COL15A1: variants seen among roughly 807,000 people sequenced by gnomAD.
COL15A1 encodes the protein collagen alpha-1(XV) chain.
COL15A1 carries 111 observed loss-of-function variants against 165.9 expected under a neutral mutation model. The ratio of observed to expected loss-of-function variants is 0.67; its 90% CI spans 0.57 to 0.78. The LOEUF (loss-of-function observed/expected upper bound fraction) is 0.78, where lower values mean the gene tolerates loss of function less well. Ranked by LOEUF, COL15A1 falls within the 30% of genes least tolerant of loss-of-function variation. The pLI is 0.00. For synonymous variants in COL15A1, 659 were observed against 674.8 expected (o/e 0.98, Z 0.36); for missense variants, 1,745 against 1,789.7 (o/e 0.98, Z 0.45).
intron 24 of COL15A1, 66 bp downstream of exon 24, chr9:99,042,173 TG>T: frequency 9.1e-7 from 1 of 1,097,860 alleles, no homozygotes; most frequent in South Asian, 1.4e-5. Context: ...TCAGATTGGC[TG>T]AAAATAGCTA....
rs182742305 is a variant in COL15A1 at position 99,018,065 on chromosome 9, A to G, written c.1647+1946A>G. ...TTAACTGGTAAATAATTCAATGTGT[A>G]TGGCTGATAGAGTGATCTGGTACCT... On this transcript the variant is annotated intron_variant, in intron 11 of 41. Transcript: ENST00000375001. 2.2e-3 allele frequency among the ~76,000 whole-genome samples: 328 copies of G among 152,314 alleles called. 4 individuals are homozygous for G. The Middle Eastern group carries it at 0.031, about 14-fold the overall frequency.
chr9:99,051,511 C>T (rs966945830), intron 30 of COL15A1, among the ~76,000 whole-genome samples: 6 of 152,200 alleles, frequency 3.9e-5, no homozygotes, highest in Non-Finnish European at 8.8e-5. Flanking sequence ...GTTTCAGCTC[C>T]TTCCAACACC....
chr9:99,007,051 T>TACATTG (rs562298545), intron 9 of COL15A1, among the ~76,000 whole-genome samples: 1 of 152,210 alleles, frequency 6.6e-6, no homozygotes, highest in Non-Finnish European at 1.5e-5. Context: ...ATGTAAGGTG[T>TACATTG]ACATTGGTTC....
chr9:99,048,742 T>C (rs1564083954), intron 28 of COL15A1, among the ~76,000 whole-genome samples: 1 of 134,258 alleles, frequency 7.4e-6, no homozygotes, highest in Non-Finnish European at 1.5e-5. Flanking sequence ...CCTTCCTGTG[T>C]CCATGTGTTT....
At chr9:98,997,305 G>C (rs1314838221) in intron 6 of COL15A1, among the ~76,000 whole-genome samples, 2 of 152,124 alleles carry the variant, frequency 1.3e-5, no homozygotes, top group African/African-American at 4.8e-5. Flanking sequence ...TGGCAGAGCT[G>C]GCATTTGAGC....
chr9:99,065,330 C>G (rs897736224), intron 39 of COL15A1, among the ~76,000 whole-genome samples: 2 of 152,100 alleles, frequency 1.3e-5, no homozygotes, highest in Non-Finnish European at 2.9e-5. Flanking sequence ...TCTGATGTAG[C>G]CCCAAAGCAC....
At chr9:99,007,086 A>G (rs1838775786) in intron 9 of COL15A1, among the ~76,000 whole-genome samples, 1 of 152,198 alleles carries the variant, frequency 6.6e-6, no homozygotes, top group African/African-American at 2.4e-5. Context: ...GGACAACTCA[A>G]AGTAGGGAGG....
At chr9:98,999,856 C>T (rs1307923487) in intron 6 of COL15A1, among the ~76,000 whole-genome samples, 4 of 124,684 alleles carry the variant, frequency 3.2e-5, no homozygotes, top group Non-Finnish European at 6.4e-5. Flanking sequence ...AATCCATTTG[C>T]GTTTTTTTTT....
intron 2 of COL15A1, among the ~76,000 whole-genome samples, chr9:98,959,412 A>T (rs912142543): frequency 1.3e-5 from 2 of 151,618 alleles, no homozygotes; most frequent in African/African-American, 4.8e-5. Flanking sequence ...GTTATGAAAA[A>T]TTTCTCAGCC....
intron 5 of COL15A1, among the ~76,000 whole-genome samples, chr9:98,989,555 A>G (rs908274910): frequency 6.6e-6 from 1 of 152,200 alleles, no homozygotes; most frequent in Non-Finnish European, 1.5e-5. Flanking sequence ...CTGTGGCCTT[A>G]GGTAACTTAC....
intron 2 of COL15A1, among the ~76,000 whole-genome samples, chr9:98,977,016 T>G (rs1838152902): frequency 1.3e-5 from 2 of 152,102 alleles, no homozygotes; most frequent in Admixed American, 1.3e-4. Context: ...TCAGGATACC[T>G]TGAGTTTTCC....
chr9:99,042,476 T>G (rs1234626172), intron 24 of COL15A1, among the ~76,000 whole-genome samples: 1 of 151,956 alleles, frequency 6.6e-6, no homozygotes, highest in Non-Finnish European at 1.5e-5. Context: ...CAACACTCCT[T>G]TGTTCTCACA....
chr9:98,991,847 C>T (rs915789660), intron 5 of COL15A1, among the ~76,000 whole-genome samples: 1 of 145,528 alleles, frequency 6.9e-6, no homozygotes, highest in Admixed American at 7.0e-5. Flanking sequence ...GAGCTAGACA[C>T]AAGAGTGCTG....
At chr9:99,021,089 TC>T (rs1839019090) in intron 12 of COL15A1, among the ~76,000 whole-genome samples, 1 of 152,200 alleles carries the variant, frequency 6.6e-6, no homozygotes. Context: ...GTGACCCCAG[TC>T]AAGAGATCCT....
At chr9:98,989,708 G>A (rs1438031047) in intron 5 of COL15A1, among the ~76,000 whole-genome samples, 3 of 152,180 alleles carry the variant, frequency 2.0e-5, no homozygotes, top group Non-Finnish European at 4.4e-5. Flanking sequence ...GGCCCTGAAC[G>A]ATGGCTCTTG....
At chr9:98,977,726 G>T (rs1838163641) in intron 2 of COL15A1, among the ~76,000 whole-genome samples, 1 of 152,152 alleles carries the variant, frequency 6.6e-6, no homozygotes, top group African/African-American at 2.4e-5. Context: ...TAGGGGGATG[G>T]AGGGTGGGAG....
chr9:99,067,671 C>A (rs146078734), intron 40 of COL15A1, among the ~76,000 whole-genome samples: 264 of 152,346 alleles, frequency 1.7e-3, no homozygotes, highest in Non-Finnish European at 1.8e-3. Flanking sequence ...CTTCAAGACC[C>A]TTTAGTCTCT....
intron 36 of COL15A1, among the ~76,000 whole-genome samples, chr9:99,060,457 A>G (rs1825798416): frequency 7.1e-6 from 1 of 141,074 alleles, no homozygotes; most frequent in African/African-American, 2.6e-5. Flanking sequence ...TTGTAGAGAC[A>G]GGGTTTTTGT....
chr9:98,950,610 C>T (rs1837670867), intron 2 of COL15A1, among the ~76,000 whole-genome samples: 1 of 139,924 alleles, frequency 7.1e-6, no homozygotes, highest in Non-Finnish European at 1.5e-5. Context: ...CTCCCTCTCT[C>T]TCTTCCTTTC....
Sources: gnomAD v4.1 joint callset for allele counts (sites outside exome capture counted in the v4.1 genomes callset) on GRCh38, gnomAD v4.1.1 for gene constraint, MANE v1.5 for transcripts, NCBI Gene and HGNC (gene_info 2026-07-23, HGNC 2026-07-21) for gene names.